Variants in C1orf21 observed in about 807,000 individuals in gnomAD.
The protein encoded by C1orf21 is uncharacterized protein C1orf21.
A neutral mutation model predicts 18.7 loss-of-function variants in C1orf21; 3 were observed. The observed-to-expected ratio is 0.16, with a 90% CI of 0.07 to 0.42. The LOEUF (loss-of-function observed/expected upper bound fraction) is 0.42, where lower values mean the gene tolerates loss of function less well. Ranked by LOEUF, C1orf21 falls within the 10% of genes least tolerant of loss-of-function variation. The pLI is 0.99. For synonymous variants in C1orf21, 41 were observed against 46.4 expected (o/e 0.88, Z 0.47); for missense variants, 104 against 143.6 (o/e 0.72, Z 1.41).
At position 184,484,548 on chromosome 1, in the gene C1orf21, G is replaced by A. The variant is rs563360861; in HGVS notation, c.94+6945G>A. The stretch of plus-strand genomic sequence containing the variant: ...GGCAGGAACTGCATGGGCTTGAGAG[G>A]ACAGAGGGCTCCCAGATGGCCAAGG... On this transcript the variant is annotated intron_variant, in intron 2 of 5. Coordinates refer to ENST00000235307, the MANE Select transcript of C1orf21 (RefSeq NM_030806.4). Among the ~76,000 whole-genome samples the A allele has an allele frequency of 3.3e-4, 51 of 152,304 alleles. No homozygotes were observed. In the South Asian group the frequency reaches 0.01, roughly 30 times the overall value.
chr1:184,513,549 C>G (rs1043072556), intron 3 of C1orf21, among the ~76,000 whole-genome samples: 2 of 152,346 alleles, frequency 1.3e-5, no homozygotes, highest in East Asian at 1.9e-4. Context: ...GCAAATCTCT[C>G]TCTGAAAGAT....
chr1:184,414,676 A>G (rs1254303972), intron 1 of C1orf21, among the ~76,000 whole-genome samples: 1 of 152,106 alleles, frequency 6.6e-6, no homozygotes, highest in East Asian at 1.9e-4. Flanking sequence ...TTGTCAATAA[A>G]TGTTCAAATT....
chr1:184,437,053 G>A (rs1656870127), intron 1 of C1orf21, among the ~76,000 whole-genome samples: 1 of 152,114 alleles, frequency 6.6e-6, no homozygotes, highest in Non-Finnish European at 1.5e-5. Context: ...CCATGGTAGA[G>A]AAAAGGAGAC....
intron 3 of C1orf21, among the ~76,000 whole-genome samples, chr1:184,586,684 T>A (rs1019008596): frequency 6.6e-5 from 10 of 152,224 alleles, no homozygotes; most frequent in Non-Finnish European, 1.5e-4. Flanking sequence ...ATGCATAGTT[T>A]GCAAAATTTT....
chr1:184,618,391 A>C (rs1571305144), intron 5 of C1orf21, among the ~76,000 whole-genome samples: 2 of 152,306 alleles, frequency 1.3e-5, no homozygotes, highest in East Asian at 3.9e-4. Flanking sequence ...AGACACAGAG[A>C]GGTAATTTTA....
intron 4 of C1orf21, among the ~76,000 whole-genome samples, chr1:184,594,213 C>G (rs1659483866): frequency 6.6e-6 from 1 of 152,176 alleles, no homozygotes; most frequent in South Asian, 2.1e-4. Flanking sequence ...GAATCTACTT[C>G]CCTGAGGTCC....
chr1:184,477,952 T>A (rs1657597024), intron 2 of C1orf21, among the ~76,000 whole-genome samples: 1 of 152,244 alleles, frequency 6.6e-6, no homozygotes, highest in Non-Finnish European at 1.5e-5. Flanking sequence ...TTATACCGTC[T>A]GAGGTGAAAG....
chr1:184,580,494 C>G (rs1659260855), intron 3 of C1orf21, among the ~76,000 whole-genome samples: 1 of 152,208 alleles, frequency 6.6e-6, no homozygotes, highest in Admixed American at 6.5e-5. Flanking sequence ...ATTGGTCCTC[C>G]TCAAATAGGG....
chr1:184,512,951 CA>C (rs1248830007), intron 3 of C1orf21, among the ~76,000 whole-genome samples: 1 of 152,204 alleles, frequency 6.6e-6, no homozygotes, highest in Non-Finnish European at 1.5e-5. Context: ...GTCAGATCAG[CA>C]GTGGCATGAG....
chr1:184,531,203 T>C (rs1450942789), intron 3 of C1orf21, among the ~76,000 whole-genome samples: 1 of 152,216 alleles, frequency 6.6e-6, no homozygotes, highest in Non-Finnish European at 1.5e-5. Flanking sequence ...ACACCACAGA[T>C]ATTTTGTATC....
chr1:184,462,400 G>T lies in C1orf21; in HGVS notation c.-124-14986G>T, dbSNP rs113315533. 1.1e-3 allele frequency among the ~76,000 whole-genome samples: 165 copies of T among 152,152 alleles called. 2 individuals carry two copies. The highest frequency in any genetic ancestry group is 3.9e-3 in the African/African-American group (163 of 41,514). On this transcript the variant is annotated intron_variant, in intron 1 of 5. Transcript: ENST00000235307. ...TGAAACTTGGCAAAAAGCCTCCAGC[G>T]TTTTGTGATTTTTTTTCTCATTGGC...
chr1:184,393,817 T>G (rs1321207583), intron 1 of C1orf21, among the ~76,000 whole-genome samples: 1 of 152,226 alleles, frequency 6.6e-6, no homozygotes, highest in Non-Finnish European at 1.5e-5. Context: ...TTTATTTAAT[T>G]TCATCTTCAT....
At chr1:184,480,718 G>T (rs1657641065) in intron 2 of C1orf21, among the ~76,000 whole-genome samples, 1 of 152,146 alleles carries the variant, frequency 6.6e-6, no homozygotes, top group Non-Finnish European at 1.5e-5. Context: ...AGAGGTACAG[G>T]CTCCTGCCTT....
At chr1:184,507,449 C>G in intron 2 of C1orf21, 139 bp from the exon 3 acceptor site, 1 of 651,348 alleles carries the variant, frequency 1.5e-6, no homozygotes, top group Non-Finnish European at 2.6e-6. Flanking sequence ...AAGCTTCTTC[C>G]AGATTGTTCC....
chr1:184,627,450 C>T lies in C1orf21; in HGVS notation c.*7894C>T, dbSNP rs7535067. On this transcript the variant is annotated 3_prime_UTR_variant, in exon 6 of 6. Transcript: ENST00000235307. ...GACAGTTCCCCTGAGAGGCTGGAGGCGTTGGTGCTGAAGGCAATTTTCCTA... is the reference window on the plus strand; with the variant it reads ...GACAGTTCCCCTGAGAGGCTGGAGGTGTTGGTGCTGAAGGCAATTTTCCTA... 3 of 151,988 alleles carry T rather than the reference C, an allele frequency of 2.0e-5. No homozygotes were observed. The highest frequency in any genetic ancestry group is 4.4e-5 in the Non-Finnish European group (3 of 68,062). The allele number at this position is 151,988 out of a possible 1,614,324, so 9.4% of individuals were successfully genotyped here.
intron 2 of C1orf21, among the ~76,000 whole-genome samples, chr1:184,479,758 A>G (rs1316710655): frequency 1.3e-5 from 2 of 150,080 alleles, no homozygotes; most frequent in Non-Finnish European, 2.9e-5. Context: ...TAGCTTTGGG[A>G]CTACAGGCAC....
intron 1 of C1orf21, among the ~76,000 whole-genome samples, chr1:184,450,478 A>G (rs926213461): frequency 1.3e-5 from 2 of 152,200 alleles, no homozygotes; most frequent in Non-Finnish European, 2.9e-5. Flanking sequence ...TTTAATAGGA[A>G]GAATGAGAAA....
chr1:184,597,150 C>T (rs1490899903), intron 4 of C1orf21, among the ~76,000 whole-genome samples: 3 of 152,012 alleles, frequency 2.0e-5, no homozygotes, highest in East Asian at 1.9e-4. Flanking sequence ...TAAGAGAGGG[C>T]GTGTTTCCCA....
chr1:184,617,193 C>T (rs548118825), intron 5 of C1orf21, among the ~76,000 whole-genome samples: 6 of 152,184 alleles, frequency 3.9e-5, no homozygotes, highest in Admixed American at 1.3e-4. Context: ...GGATGGAGAC[C>T]GTGATTATCC....
Sources: allele counts gnomAD v4.1 joint callset (sites outside exome capture counted in the v4.1 genomes callset), GRCh38; gene constraint gnomAD v4.1.1; transcripts MANE v1.5; gene names NCBI Gene and HGNC (gene_info 2026-07-23, HGNC 2026-07-21).